Variants in UNC79 observed in about 807,000 individuals in gnomAD.
UNC79 encodes protein unc-79 homolog.
In UNC79, 37 loss-of-function variants were observed where a neutral mutation model predicts 283.1. The ratio of observed to expected loss-of-function variants is 0.13; its 90% confidence interval spans 0.10 to 0.17. The LOEUF (loss-of-function observed/expected upper bound fraction) is 0.17. UNC79 is among the 10% of genes least tolerant of loss of function. The pLI, the probability that UNC79 is intolerant of heterozygous loss-of-function variation, is 1.00. For missense variants in UNC79, 2,272 were observed against 3,211.1 expected (o/e 0.71, Z 7.07); for synonymous variants, 1,107 against 1,200.2 (o/e 0.92, Z 1.61).
chr14:93,580,777 C>G (rs779079286), intron 19 of UNC79, among the ~76,000 whole-genome samples: 13 of 152,260 alleles, frequency 8.5e-5, no homozygotes, highest in Admixed American at 7.2e-4. Context: ...TTGATCATGG[C>G]TCACTGAAAC....
chr14:93,634,927 T>A (rs2068379754), intron 31 of UNC79, among the ~76,000 whole-genome samples: 1 of 152,154 alleles, frequency 6.6e-6, no homozygotes, highest in Non-Finnish European at 1.5e-5. Context: ...GGTTTCATGA[T>A]GCAAATAAAA....
chr14:93,564,884 T>A (rs998921562), intron 14 of UNC79, among the ~76,000 whole-genome samples: 3 of 152,180 alleles, frequency 2.0e-5, no homozygotes, highest in Non-Finnish European at 4.4e-5. Context: ...ACTTCTTTTT[T>A]AATTTCCAAT....
At chr14:93,405,747 A>G (rs2140038532) in intron 1 of UNC79, among the ~76,000 whole-genome samples, 1 of 152,386 alleles carries the variant, frequency 6.6e-6, no homozygotes, top group East Asian at 1.9e-4. Context: ...TCAAATGACA[A>G]TAAATGTAAT....
At chr14:93,395,360 A>G (rs114658848) in intron 1 of UNC79, among the ~76,000 whole-genome samples, 3 of 152,226 alleles carry the variant, frequency 2.0e-5, no homozygotes, top group Non-Finnish European at 4.4e-5. Context: ...ACAGTTCCAT[A>G]AGCTGTACAG....
chr14:93,351,332 A>G (rs2053976958), intron 1 of UNC79, among the ~76,000 whole-genome samples: 1 of 152,190 alleles, frequency 6.6e-6, no homozygotes, highest in African/African-American at 2.4e-5. Context: ...TTAATTATCA[A>G]TCTTTGGTTA....
intron 7 of UNC79, among the ~76,000 whole-genome samples, chr14:93,503,742 G>GT (rs1220886020): frequency 1.3e-5 from 2 of 151,464 alleles, no homozygotes; most frequent in Admixed American, 6.6e-5. Context: ...CAAATATCTT[G>GT]TTTTTTTATT....
intron 20 of UNC79, among the ~76,000 whole-genome samples, chr14:93,585,445 A>G (rs1487729418): frequency 1.3e-5 from 2 of 152,212 alleles, no homozygotes; most frequent in Admixed American, 1.3e-4. Flanking sequence ...TCATGGTCAG[A>G]TATGTCCACC....
At position 93,604,962 on chromosome 14, in the gene UNC79, G is replaced by A. The variant is rs1596038501; in HGVS notation, c.3754+1544G>A. The stretch of plus-strand genomic sequence containing the variant: ...GGTGGGACACCCGAACAGACGCCAG[G>A]TGGGTACTTCTGACATTGAAGGGCC... On this transcript the variant is annotated intron_variant, in intron 26 of 48. Transcript: ENST00000555664. The A allele has an allele frequency of 6.3e-7, 1 of 1,580,580 alleles. No homozygotes were observed. Among genetic ancestry groups the A allele is most frequent in the Non-Finnish European group, 8.5e-7 (1 of 1,171,098 alleles).
chr14:93,572,200 A>C, intron 15 of UNC79, 116 bp downstream of exon 15: 1 of 1,179,416 alleles, frequency 8.5e-7, no homozygotes, highest in Non-Finnish European at 1.1e-6. Flanking sequence ...TTTATTTTTT[A>C]ACCACCCTGT....
intron 1 of UNC79, among the ~76,000 whole-genome samples, chr14:93,366,367 G>T (rs1436988637): frequency 6.6e-6 from 1 of 152,118 alleles, no homozygotes; most frequent in Non-Finnish European, 1.5e-5. Context: ...TCTTTCCATG[G>T]CTCTCAGGTT....
chr14:93,676,360 C>A (rs1023986970), intron 41 of UNC79, among the ~76,000 whole-genome samples: 2 of 147,664 alleles, frequency 1.4e-5, no homozygotes, highest in African/African-American at 5.0e-5. Context: ...GCTCTTGGCC[C>A]AAAAAGATCT....
intron 8 of UNC79, 51 bp from the exon 9 acceptor site, chr14:93,528,507 A>G (rs768905517): frequency 6.5e-7 from 1 of 1,532,508 alleles, no homozygotes; most frequent in South Asian, 1.1e-5. Context: ...AATATAGGGA[A>G]TGTGATACCC....
Position 93,363,898 on chromosome 14 carries a change from T to G in UNC79, c.-351+30375T>G, listed in dbSNP as rs369407402. 1.1e-4 allele frequency among the ~76,000 whole-genome samples: 16 copies of G among 152,174 alleles called. No homozygotes were observed. The South Asian group carries it at 3.3e-3, about 32-fold the overall frequency. ...CACACCCAGCTAATTTTTTTTGTAT[T>G]TTTAGTAGAGACAGGGTTTCACCTT... On this transcript the variant is annotated intron_variant, in intron 1 of 49. Coordinates refer to the UNC79 transcript ENST00000256339.
intron 42 of UNC79, 37 bp downstream of exon 45, chr14:93,682,731 A>G (rs1436149275): frequency 3.8e-6 from 6 of 1,580,132 alleles, no homozygotes; most frequent in African/African-American, 1.3e-5. Flanking sequence ...ACATACTTAC[A>G]TTTCATAGAA....
chr14:93,697,783 G>A (rs888162622), intron 47 of UNC79, among the ~76,000 whole-genome samples: 10 of 152,136 alleles, frequency 6.6e-5, no homozygotes, highest in African/African-American at 2.4e-4. Context: ...AATTAGCTGG[G>A]TATGGTAGCA....
intron 1 of UNC79, chr14:93,347,079 G>T (rs887603947): frequency 1.2e-5 from 7 of 563,434 alleles, no homozygotes; most frequent in African/African-American, 1.2e-4. Flanking sequence ...GAAAGGAGTG[G>T]TGAGCGGAAG....
intron 14 of UNC79, among the ~76,000 whole-genome samples, chr14:93,554,703 TTC>T (rs2062071153): frequency 6.6e-6 from 1 of 152,200 alleles, no homozygotes. Context: ...TACACAGAAT[TTC>T]TGTTTCAAGA....
At position 93,336,489 on chromosome 14, in the gene UNC79, G is replaced by A. The variant is rs373151940; in HGVS notation, c.-351+2966G>A. Among the ~76,000 whole-genome samples the A allele has an allele frequency of 9.9e-5, 15 of 151,932 alleles. 1 individual carries two copies. The highest frequency in any genetic ancestry group is 5.8e-4 in the East Asian group (3 of 5,176). Reference sequence around the variant, plus strand: ...CCCGAGTAGCTGGGATTACAGGTGCGTGCCACCATGCCTGACTAATTTTTT... The same window carrying A: ...CCCGAGTAGCTGGGATTACAGGTGCATGCCACCATGCCTGACTAATTTTTT... On this transcript the variant is annotated intron_variant, in intron 1 of 49. Coordinates refer to the UNC79 transcript ENST00000256339.
At chr14:93,626,593 T>C (rs1235501904) in intron 30 of UNC79, among the ~76,000 whole-genome samples, 2 of 152,230 alleles carry the variant, frequency 1.3e-5, no homozygotes, top group African/African-American at 4.8e-5. Flanking sequence ...CAAAACATTT[T>C]GGAAGAGATA....
Sources: gnomAD v4.1 joint callset for allele counts (sites outside exome capture counted in the v4.1 genomes callset) on GRCh38, gnomAD v4.1.1 for gene constraint, MANE v1.5 for transcripts, NCBI Gene and HGNC (gene_info 2026-07-23, HGNC 2026-07-21) for gene names.